The following PAK5 variants were observed in gnomAD, a reference collection of about 807,000 sequenced individuals.
PAK5 encodes p21 (RAC1) activated kinase 5.
A neutral mutation model predicts 65.9 loss-of-function variants in PAK5; 16 were observed. That is an observed-to-expected ratio of 0.24 (90% CI 0.16 to 0.37). The LOEUF (loss-of-function observed/expected upper bound fraction) is 0.37. Ranked by LOEUF, PAK5 falls within the 10% of genes least tolerant of loss-of-function variation. The pLI is 1.00. For missense variants in PAK5, 785 were observed against 903.9 expected (o/e 0.87, Z 1.69); for synonymous variants, 371 against 354.9 (o/e 1.05, Z -0.51).
intron 2 of PAK5, among the ~76,000 whole-genome samples, chr20:9,684,890 G>T (rs1402531163): frequency 2.0e-5 from 3 of 152,110 alleles, no homozygotes; most frequent in African/African-American, 7.2e-5. Flanking sequence ...TGCCTGCCTT[G>T]GCAAATGTCC....
At chr20:9,820,086 A>G (rs2049402095) in intron 1 of PAK5, among the ~76,000 whole-genome samples, 1 of 152,178 alleles carries the variant, frequency 6.6e-6, no homozygotes, top group African/African-American at 2.4e-5. Flanking sequence ...ACAAATTCCT[A>G]GTTTTCTTGA....
At chr20:9,635,936 G>A (rs543206930) in intron 3 of PAK5, among the ~76,000 whole-genome samples, 77 of 152,256 alleles carry the variant, frequency 5.1e-4, no homozygotes, top group Non-Finnish European at 9.6e-4. Context: ...ACTCAGCTAG[G>A]AGCATGGCAA....
intron 1 of PAK5, among the ~76,000 whole-genome samples, chr20:9,833,046 A>G (rs1978852584): frequency 6.6e-6 from 1 of 152,230 alleles, no homozygotes; most frequent in South Asian, 2.1e-4. Flanking sequence ...TTTTATATTT[A>G]AAAAGTACTT....
At chr20:9,754,377 G>T (rs117924990) in intron 1 of PAK5, among the ~76,000 whole-genome samples, 1,973 of 152,206 alleles carry the variant, frequency 0.013, 21 homozygotes, top group Non-Finnish European at 0.02. Context: ...GATTGGTCGG[G>T]TCAGAGATGA....
At position 9,566,187 on chromosome 20, in the gene PAK5, G is replaced by C. The variant is rs749454312; in HGVS notation, c.1188C>G (p.Ser396=). 3 of 1,613,912 alleles carry C rather than the reference G, an allele frequency of 1.9e-6. No individual in the cohort carries two copies. Among genetic ancestry groups the C allele is most frequent in the Non-Finnish European group, 2.5e-6 (3 of 1,179,976 alleles). The change falls in exon 5 of 10, where the codon TCC becomes TCG. Residue 396 remains serine, a synonymous_variant. Coordinates refer to ENST00000353224, the MANE Select transcript of PAK5 (RefSeq NM_177990.4). The stretch of plus-strand genomic sequence containing the variant: ...TGAGGGAGCTCAGGTAGGAAGCCGT[G>C]GAGATGTACTGCGAACTGCTCTGCA... ...PSLQSSSQYI[S]TASYLSSLSL... is the part of the protein sequence containing the mutation.
chr20:9,566,396 G>C lies in PAK5; in HGVS notation c.991-12C>G, dbSNP rs368730337. 1.4e-4 allele frequency: 218 copies of C among 1,608,996 alleles called. No individual in the cohort carries two copies. The highest frequency in any genetic ancestry group is 1.7e-4 in the Non-Finnish European group (202 of 1,177,990). ...CGATCGTAATCCACCTGGGAAGACAGACATGGATAGAGAATATTCACATGC... is the reference window on the plus strand; with the variant it reads ...CGATCGTAATCCACCTGGGAAGACACACATGGATAGAGAATATTCACATGC... On this transcript the variant is annotated splice_polypyrimidine_tract_variant and intron_variant, in intron 4 of 9. Transcript: ENST00000353224.
intron 3 of PAK5, among the ~76,000 whole-genome samples, chr20:9,604,372 G>C (rs2123119225): frequency 6.6e-6 from 1 of 152,320 alleles, no homozygotes; most frequent in East Asian, 1.9e-4. Context: ...CCCTGTATGT[G>C]AGCCCCCTAA....
chr20:9,544,791 C>T (rs2045319242), intron 7 of PAK5, among the ~76,000 whole-genome samples: 1 of 152,176 alleles, frequency 6.6e-6, no homozygotes, highest in Admixed American at 6.5e-5. Context: ...AAATACACCA[C>T]AAACAACAAA....
At chr20:9,554,953 C>T (rs935587385) in intron 7 of PAK5, among the ~76,000 whole-genome samples, 1 of 152,184 alleles carries the variant, frequency 6.6e-6, no homozygotes, top group African/African-American at 2.4e-5. Context: ...TTCTGACCAG[C>T]CTCCATAAGA....
rs188467960 is a variant in PAK5 at position 9,581,080 on chromosome 20, G to A, written c.205-150C>T. 3 of 611,400 alleles carry A rather than the reference G, an allele frequency of 4.9e-6. No individual in the cohort carries two copies. In the East Asian group the frequency reaches 8.3e-5, roughly 17 times the overall value. 37.9% of individuals were successfully genotyped at this position (611,400 alleles called of 1,614,324 possible). Reference sequence around the variant, plus strand: ...CACAAAATGATAAAGAAAATGTGTTGATTGACTTCAGTGGTGAAATAAATC... The same window carrying A: ...CACAAAATGATAAAGAAAATGTGTTAATTGACTTCAGTGGTGAAATAAATC... On this transcript the variant is annotated intron_variant, in intron 3 of 9. Transcript: ENST00000353224.
chr20:9,651,494 G>T (rs909898556), intron 2 of PAK5, among the ~76,000 whole-genome samples: 7 of 152,296 alleles, frequency 4.6e-5, no homozygotes, highest in Middle Eastern at 3.4e-3. Flanking sequence ...AATGACTCAT[G>T]GCTCAGTCCT....
chr20:9,557,783 T>C (rs753320460), intron 6 of PAK5, 49 bp from the exon 7 acceptor site: 1 of 1,530,276 alleles, frequency 6.5e-7, no homozygotes, highest in Non-Finnish European at 9.0e-7. Context: ...AAGAACATCT[T>C]TGAAATGCTC....
chr20:9,806,934 C>T (rs2049239963), intron 1 of PAK5, among the ~76,000 whole-genome samples: 1 of 152,066 alleles, frequency 6.6e-6, no homozygotes, highest in Non-Finnish European at 1.5e-5. Context: ...GGCCCAAGGA[C>T]AGAATCCATT....
chr20:9,782,083 A>G (rs2048946473), intron 1 of PAK5, among the ~76,000 whole-genome samples: 1 of 152,022 alleles, frequency 6.6e-6, no homozygotes, highest in African/African-American at 2.4e-5. Flanking sequence ...TCTCTCTGAC[A>G]TTGTCTCTAT....
intron 1 of PAK5, among the ~76,000 whole-genome samples, chr20:9,805,924 A>G (rs2049226213): frequency 1.3e-5 from 2 of 152,140 alleles, no homozygotes; most frequent in African/African-American, 4.8e-5. Flanking sequence ...GAAAACACTA[A>G]TGGTTTAATA....
intron 1 of PAK5, among the ~76,000 whole-genome samples, chr20:9,794,636 G>A (rs552070943): frequency 6.6e-6 from 1 of 152,166 alleles, no homozygotes; most frequent in South Asian, 2.1e-4. Flanking sequence ...GACCTTGGGA[G>A]GGTCTAAAAA....
Position 9,565,026 on chromosome 20 carries a change from A to T in PAK5, c.1482+867T>A, listed in dbSNP as rs117112294. Among the ~76,000 whole-genome samples, 48 of 152,044 alleles carry T rather than the reference A, an allele frequency of 3.2e-4. 1 individual carries two copies. The East Asian group carries it at 9.3e-3, about 29-fold the overall frequency. ...AAAGTTACCTCAAATTTATTAAATC[A>T]GTGACTGGTTTAATAAATTTGATAC... is the stretch of plus-strand genomic sequence containing the variant. On this transcript the variant is annotated intron_variant, in intron 5 of 9. Coordinates refer to ENST00000353224, the MANE Select transcript of PAK5 (RefSeq NM_177990.4).
chr20:9,566,189 A>G lies in PAK5; in HGVS notation c.1186T>C (p.Ser396Pro), dbSNP rs146777362. Residue 396 changes from serine (S) to proline (P), a missense_variant, in exon 5 of 10, where the codon TCC (serine) becomes CCC (proline). Physicochemically the swap from Ser to Pro is moderately conservative, Grantham distance 74. Around this residue, in one of 4 missense-constraint regions of PAK5, gnomAD observed 422 missense variants for 413.3 expected, o/e 1.02. Transcript: ENST00000353224. ...PSLQSSSQYI[S>P]TASYLSSLSL... ...AGGGAGCTCAGGTAGGAAGCCGTGG[A>G]GATGTACTGCGAACTGCTCTGCAGG... The G allele has an allele frequency of 9.3e-6, 15 of 1,613,886 alleles. No homozygotes were observed. In the African/African-American group the frequency reaches 2.0e-4, roughly 22 times the overall value.
chr20:9,655,822 G>A (rs1432791869), intron 2 of PAK5, among the ~76,000 whole-genome samples: 1 of 152,170 alleles, frequency 6.6e-6, no homozygotes, highest in African/African-American at 2.4e-5. Flanking sequence ...AGATCAAGGT[G>A]TTGGGAGGGT....
Sources: allele counts gnomAD v4.1 joint callset (sites outside exome capture counted in the v4.1 genomes callset), GRCh38; gene constraint gnomAD v4.1.1; regional missense constraint gnomAD v4.1.1; transcripts MANE v1.5; gene names NCBI Gene and HGNC (gene_info 2026-07-23, HGNC 2026-07-21).